TTC6: variants seen among roughly 807,000 people sequenced by gnomAD.
TTC6 encodes tetratricopeptide repeat protein 6.
Under a neutral mutation model 210.4 loss-of-function variants are expected in TTC6, and 172 were observed. That is an observed-to-expected ratio of 0.82 (90% CI 0.72 to 0.93). The LOEUF (loss-of-function observed/expected upper bound fraction) is 0.93. Ranked by LOEUF, TTC6 falls within the 40% of genes least tolerant of loss-of-function variation. The pLI is 0.00. For missense variants in TTC6, 2,414 were observed against 2,318.1 expected (o/e 1.04, Z -0.85); for synonymous variants, 804 against 819.6 (o/e 0.98, Z 0.32).
intron 10 of TTC6, among the ~76,000 whole-genome samples, chr14:37,746,086 C>T (rs1295587891): frequency 1.3e-5 from 2 of 152,194 alleles, no homozygotes; most frequent in African/African-American, 4.8e-5. Context: ...AATCCTGTTA[C>T]TACTATTCTG....
At chr14:37,613,561 G>A (rs2095637988) in intron 2 of TTC6, among the ~76,000 whole-genome samples, 1 of 152,040 alleles carries the variant, frequency 6.6e-6, no homozygotes, top group African/African-American at 2.4e-5. Context: ...TAAGATGGGT[G>A]TTATTTCTTT....
chr14:37,643,988 C>T (rs1259781448), intron 1 of TTC6, among the ~76,000 whole-genome samples: 1 of 152,134 alleles, frequency 6.6e-6, no homozygotes, highest in African/African-American at 2.4e-5. Flanking sequence ...TGTTCTGTTG[C>T]TCTTTAGGGT....
At chr14:37,818,746 G>A (rs2096148404) in intron 26 of TTC6, among the ~76,000 whole-genome samples, 1 of 151,898 alleles carries the variant, frequency 6.6e-6, no homozygotes, top group African/African-American at 2.4e-5. Flanking sequence ...CTTTCATTTT[G>A]TACAGACAGC....
At chr14:37,772,709 G>T (rs187836980) in intron 14 of TTC6, 1 of 158,870 alleles carries the variant, frequency 6.3e-6, no homozygotes, top group East Asian at 1.9e-4. Flanking sequence ...CTGTCTGGCA[G>T]TCCCTAGTGA....
At chr14:37,805,055 C>G (rs2096115348) in intron 21 of TTC6, among the ~76,000 whole-genome samples, 1 of 152,054 alleles carries the variant, frequency 6.6e-6, no homozygotes, top group Admixed American at 6.5e-5. Flanking sequence ...GCGTTTCCCA[C>G]CAGAACAATA....
intron 1 of TTC6, among the ~76,000 whole-genome samples, chr14:37,674,422 A>C (rs2095764539): frequency 6.6e-6 from 1 of 152,032 alleles, no homozygotes; most frequent in Admixed American, 6.6e-5. Context: ...AGGCATCCTT[A>C]TTTTGCTTTT....
chr14:37,634,502 C>G (rs2095676185), intron 1 of TTC6, among the ~76,000 whole-genome samples: 1 of 152,040 alleles, frequency 6.6e-6, no homozygotes, highest in African/African-American at 2.4e-5. Context: ...AAACAAAAGA[C>G]ATAACTTGGT....
chr14:37,831,758 A>AT (rs71127248), intron 29 of TTC6, among the ~76,000 whole-genome samples: 139,972 of 152,124 alleles, frequency 0.92, 64,500 homozygotes, highest in Middle Eastern at 0.95. Flanking sequence ...TTTTCAGATC[A>AT]TTGCCCACTT....
At chr14:37,706,101 T>C (rs974851126) in intron 5 of TTC6, among the ~76,000 whole-genome samples, 5 of 152,108 alleles carry the variant, frequency 3.3e-5, no homozygotes, top group Non-Finnish European at 7.4e-5. Flanking sequence ...ATTTTATGGT[T>C]ACCCCGTATG....
At chr14:37,789,340 G>T (rs1189250701) in intron 15 of TTC6, among the ~76,000 whole-genome samples, 6 of 151,086 alleles carry the variant, frequency 4.0e-5, no homozygotes, top group African/African-American at 1.5e-4. Flanking sequence ...CTTAAGAAGA[G>T]TTTTTTTATT....
At chr14:37,622,370 C>T in exon 1 of TTC6, 1 of 1,531,542 alleles carries the variant, frequency 6.5e-7, no homozygotes, top group South Asian at 1.2e-5. Context: ...GTCCCTCGGG[C>T]CTGGGTGAGG....
At chr14:37,821,134 C>T (rs963413270) in intron 26 of TTC6, among the ~76,000 whole-genome samples, 5 of 151,138 alleles carry the variant, frequency 3.3e-5, no homozygotes, top group Admixed American at 6.6e-5. Context: ...ATGGCATGAT[C>T]TTGGCTCACT....
intron 28 of TTC6, among the ~76,000 whole-genome samples, chr14:37,826,751 A>G (rs1257283739): frequency 2.0e-5 from 3 of 152,144 alleles, no homozygotes; most frequent in Non-Finnish European, 4.4e-5. Flanking sequence ...GCAGTGACAG[A>G]AACTCTTCTT....
In TTC6 at chr14:37,827,371, T is replaced by C. The variant is rs867657994; in HGVS notation, c.5298+5T>C. The C allele has an allele frequency of 6.2e-7, 1 of 1,611,740 alleles. No homozygotes were observed. Among genetic ancestry groups the C allele is most frequent in the Non-Finnish European group, 8.5e-7 (1 of 1,178,504 alleles). ...CACCACAGGCAGTTTTCCCAGGTAA[T>C]GTGAGTTTTACTTAACGCTTTCTTT... On this transcript the variant is annotated splice_donor_5th_base_variant and intron_variant, in intron 29 of 30. Coordinates refer to ENST00000553443, the Ensembl canonical transcript of TTC6.
At chr14:37,792,666 A>G (rs1401291785) in intron 17 of TTC6, among the ~76,000 whole-genome samples, 1 of 151,864 alleles carries the variant, frequency 6.6e-6, no homozygotes, top group East Asian at 1.9e-4. Flanking sequence ...AGCATTATAT[A>G]CTTATTGCAG....
chr14:37,760,266 T>C (rs1426909885), intron 14 of TTC6, among the ~76,000 whole-genome samples: 1 of 152,210 alleles, frequency 6.6e-6, no homozygotes, highest in Non-Finnish European at 1.5e-5. Flanking sequence ...CCCTGTTCTG[T>C]AGGTCTGCTG....
At chr14:37,663,593 A>G (rs1028760970) in intron 1 of TTC6, among the ~76,000 whole-genome samples, 2 of 152,094 alleles carry the variant, frequency 1.3e-5, no homozygotes, top group African/African-American at 4.8e-5. Context: ...AAACTTTTTT[A>G]CCTTATTAGT....
chr14:37,824,909 A>G (rs1566976327), intron 27 of TTC6, among the ~76,000 whole-genome samples: 1 of 152,134 alleles, frequency 6.6e-6, no homozygotes, highest in Non-Finnish European at 1.5e-5. Context: ...ATGAGGCTGG[A>G]GTTAAAGGCC....
intron 14 of TTC6, among the ~76,000 whole-genome samples, chr14:37,784,548 A>G (rs2096063197): frequency 6.6e-6 from 1 of 152,176 alleles, no homozygotes; most frequent in South Asian, 2.1e-4. Context: ...TGAACACAGC[A>G]CACTGATGAC....
Sources: allele counts gnomAD v4.1 joint callset (sites outside exome capture counted in the v4.1 genomes callset), GRCh38; gene constraint gnomAD v4.1.1; transcripts MANE v1.5; gene names NCBI Gene and HGNC (gene_info 2026-07-23, HGNC 2026-07-21).